GIPC3: variants seen among roughly 807,000 people sequenced by gnomAD.
GIPC3 encodes the protein PDZ domain-containing protein GIPC3.
A neutral mutation model predicts 27.3 loss-of-function variants in GIPC3; 16 were observed. The ratio of observed to expected loss-of-function variants is 0.59; its 90% CI spans 0.40 to 0.89. The LOEUF is 0.89. GIPC3 is among the 40% of genes least tolerant of loss of function. The probability of loss-of-function intolerance (pLI) is 0.00; values close to 1 mark genes in which losing one functional copy is unlikely to be tolerated. For missense variants in GIPC3, 440 were observed against 442.1 expected (o/e 1.00, Z 0.04); for synonymous variants, 194 against 184.6 (o/e 1.05, Z -0.41).
chr19:3,585,697 C>A lies in GIPC3; in HGVS notation c.100C>A (p.Arg34Ser). ...PSEPPAAPRARPRLVFRTQLA... is the reference protein window; with the variant it reads ...PSEPPAAPRASPRLVFRTQLA... ...GGAGCCCCCGGCCGCGCCCCGCGCC[C>A]GCCCGCGCCTCGTCTTCCGCACGCA... is the stretch of plus-strand genomic sequence containing the variant. Residue 34 changes from arginine (R) to serine (S), a missense_variant, in exon 1 of 6, where the codon CGC (arginine) becomes AGC (serine). Transcript: ENST00000644452. 7.0e-7 allele frequency: 1 copy of A among 1,434,386 alleles called. No homozygotes were observed. Among genetic ancestry groups the A allele is most frequent in the Admixed American group, 2.4e-5 (1 of 41,354 alleles). 88.9% of individuals were successfully genotyped at this position (1,434,386 alleles called of 1,614,324 possible). A position where few individuals can be genotyped will look rare whatever the true frequency, so the allele number is the denominator to read the frequency against.
chr19:3,591,152 C>T lies in GIPC3; in HGVS notation c.*962C>T. 1.6e-6 allele frequency: 2 copies of T among 1,233,186 alleles called. No individual in the cohort carries two copies. The highest frequency in any genetic ancestry group is 2.0e-6 in the Non-Finnish European group (2 of 988,766). The allele number at this position is 1,233,186 out of a possible 1,614,324, so 76.4% of individuals were successfully genotyped here. A position where few individuals can be genotyped will look rare whatever the true frequency, so the allele number is the denominator to read the frequency against. On this transcript the variant is annotated 3_prime_UTR_variant, in exon 6 of 6. Coordinates refer to ENST00000644452, the MANE Select transcript of GIPC3 (RefSeq NM_133261.3). ...AGCCCAGCTCTAGAACCCAGATAAG[C>T]TCTGAAACCAATCCCAGCATTGAGA... is the stretch of plus-strand genomic sequence containing the variant.
intron 3 of GIPC3, among the ~76,000 whole-genome samples, chr19:3,587,444 G>A (rs955326267): frequency 1.3e-5 from 2 of 151,786 alleles, no homozygotes; most frequent in African/African-American, 4.8e-5. Flanking sequence ...ATTGCGCCTG[G>A]CTAATTTTTG....
rs1481832971 is a variant in GIPC3 at position 3,592,166 on chromosome 19, C to A, written c.*1976C>A. ...GCTCCACAGCCCTGTCTAGTTCCGACAGCAGGTCCAGCTCCAGGACCCAGC... is the reference window on the plus strand; with the variant it reads ...GCTCCACAGCCCTGTCTAGTTCCGAAAGCAGGTCCAGCTCCAGGACCCAGC... On this transcript the variant is annotated 3_prime_UTR_variant, in exon 6 of 6. Coordinates refer to ENST00000644452, the MANE Select transcript of GIPC3 (RefSeq NM_133261.3). 2 of 1,231,982 alleles carry A rather than the reference C, an allele frequency of 1.6e-6. No homozygotes were observed. The highest frequency in any genetic ancestry group is 4.2e-5 in the Admixed American group (1 of 23,686). The allele number at this position is 1,231,982 out of a possible 1,614,324, so 76.3% of individuals were successfully genotyped here. A position where few individuals can be genotyped will look rare whatever the true frequency, so the allele number is the denominator to read the frequency against.
chr19:3,585,630 G>C lies in GIPC3; in HGVS notation c.33G>C (p.Gly11=). 1 of 1,181,366 alleles carries C rather than the reference G, an allele frequency of 8.5e-7. No individual in the cohort carries two copies. The highest frequency in any genetic ancestry group is 1.0e-6 in the Non-Finnish European group (1 of 957,988). 73.2% of individuals were successfully genotyped at this position (1,181,366 alleles called of 1,614,324 possible). A position where few individuals can be genotyped will look rare whatever the true frequency, so the allele number is the denominator to read the frequency against. ...GAGCAGCGGCCCGGGAGGCCCGGGG[G>C]ACCGAGACCCCGCGCGCGTCTGCGC... MEGAAAREAR[G]TETPRASAPP... is the part of the protein sequence containing the mutation. Residue 11 remains glycine (G), a synonymous_variant, in exon 1 of 6, where the codon GGG becomes GGC. Coordinates refer to ENST00000644452, the MANE Select transcript of GIPC3 (RefSeq NM_133261.3).
At chr19:3,587,102 C>T in intron 3 of GIPC3, 108 bp downstream of exon 3, 1 of 1,013,596 alleles carries the variant, frequency 9.9e-7, no homozygotes. Flanking sequence ...GGTGCACCCG[C>T]TGCGTGCCAA....
Position 3,592,708 on chromosome 19 carries a change from C to T in GIPC3, c.*2518C>T, listed in dbSNP as rs1940135985. On this transcript the variant is annotated 3_prime_UTR_variant, in exon 6 of 6. Transcript: ENST00000644452. Reference sequence around the variant, plus strand: ...TCCAGAACCCAGTCCAGCTCTGAGACCGGGCTCAGCTCTGAAACCCAGACC... The same window carrying T: ...TCCAGAACCCAGTCCAGCTCTGAGATCGGGCTCAGCTCTGAAACCCAGACC... 1.6e-6 allele frequency: 2 copies of T among 1,230,374 alleles called. No homozygotes were observed. Among genetic ancestry groups the T allele is most frequent in the African/African-American group, 3.1e-5 (2 of 64,322 alleles). 76.2% of individuals were successfully genotyped at this position (1,230,374 alleles called of 1,614,324 possible). A position where few individuals can be genotyped will look rare whatever the true frequency, so the allele number is the denominator to read the frequency against.
intron 3 of GIPC3, among the ~76,000 whole-genome samples, chr19:3,587,653 C>CT (rs1268243912): frequency 9.1e-6 from 1 of 109,336 alleles, no homozygotes; most frequent in Non-Finnish European, 2.1e-5. Context: ...AAAAAGTTTT[C>CT]TTTCTTTTCT....
rs2032380459 is a variant in GIPC3 at position 3,586,991 on chromosome 19, T to C, written c.589T>C (p.Phe197Leu). 6.2e-7 allele frequency: 1 copy of C among 1,611,926 alleles called. No individual in the cohort carries two copies. The highest frequency in any genetic ancestry group is 8.5e-7 in the Non-Finnish European group (1 of 1,179,574). Residue 197 changes from phenylalanine (F) to leucine (L), a missense_variant, in exon 3 of 6, where the codon TTC becomes CTC. Phe to Leu is a conservative substitution (Grantham distance 22, BLOSUM62 0). Coordinates refer to ENST00000644452, the MANE Select transcript of GIPC3 (RefSeq NM_133261.3). ...TLRLVQPKRA[F>L]DMIGQRSRSS... The stretch of plus-strand genomic sequence containing the variant: ...GCGCCTGGTGCAGCCCAAGAGGGCC[T>C]TCGGTGAGGCGGGTGGGCTGGCGGG...
In GIPC3 at chr19:3,586,403, T is replaced by C. The variant is rs2032365092; in HGVS notation, c.226-92T>C. 7.7e-6 allele frequency: 9 copies of C among 1,168,946 alleles called. No individual in the cohort carries two copies. In the South Asian group the frequency reaches 1.0e-4, roughly 13 times the overall value. The allele number at this position is 1,168,946 out of a possible 1,614,324, so 72.4% of individuals were successfully genotyped here. ...TGCCCTTTCCCATGGGCTGGGATCC[T>C]GGTCGCTGGGGGCAGGGGCCTGCGC... On this transcript the variant is annotated intron_variant, in intron 1 of 5. Transcript: ENST00000644452.
At position 3,593,193 on chromosome 19, in the gene GIPC3, C is replaced by T. The variant is rs2032522553; in HGVS notation, c.*3003C>T. The T allele has an allele frequency of 3.2e-6, 4 of 1,232,284 alleles. No individual in the cohort carries two copies. Among genetic ancestry groups the T allele is most frequent in the African/African-American group, 1.6e-5 (1 of 64,440 alleles). The allele number at this position is 1,232,284 out of a possible 1,614,324, so 76.3% of individuals were successfully genotyped here. On this transcript the variant is annotated 3_prime_UTR_variant, in exon 6 of 6. Coordinates refer to ENST00000644452, the MANE Select transcript of GIPC3 (RefSeq NM_133261.3). ...TAGTCCTGCCCCTAGGGCAGCCCTC[C>T]TGAGTTCCCAGCTGTCTGAGTCCCC...
Sources: gnomAD v4.1 joint callset for allele counts (sites outside exome capture counted in the v4.1 genomes callset) on GRCh38, gnomAD v4.1.1 for gene constraint, MANE v1.5 for transcripts, NCBI Gene and HGNC (gene_info 2026-07-23, HGNC 2026-07-21) for gene names.